The following HERC2 variants were observed in gnomAD, a reference collection of about 807,000 sequenced individuals.
HERC2 encodes the protein HECT and RLD domain containing E3 ubiquitin protein ligase 2.
Under a neutral mutation model 537.7 loss-of-function variants are expected in HERC2, and 102 were observed. The ratio of observed to expected loss-of-function variants is 0.19; its 90% CI spans 0.16 to 0.22. The LOEUF (loss-of-function observed/expected upper bound fraction) is 0.22. Among genes scored for constraint, HERC2 ranks in the 10% least tolerant of loss-of-function variants. The pLI is 1.00. For missense variants in HERC2, 4,236 were observed against 6,198.2 expected (o/e 0.68, Z 10.63); for synonymous variants, 2,224 against 2,466.2 (o/e 0.90, Z 2.91).
At chr15:28,169,232 G>A (rs1474946934) in intron 66 of HERC2, among the ~76,000 whole-genome samples, 1 of 152,136 alleles carries the variant, frequency 6.6e-6, no homozygotes, top group East Asian at 1.9e-4. Context: ...AATATTGATG[G>A]TTCGAGTCTA....
At chr15:28,169,356 C>T in intron 66 of HERC2, 128 bp downstream of exon 66, 1 of 628,528 alleles carries the variant, frequency 1.6e-6, no homozygotes, top group Non-Finnish European at 2.7e-6. Context: ...TTGTGACTTA[C>T]AACATACAGC....
At chr15:28,274,754 C>T in intron 6 of HERC2, 151 bp downstream of exon 6, 1 of 689,386 alleles carries the variant, frequency 1.5e-6, no homozygotes, top group Middle Eastern at 2.7e-4. Flanking sequence ...GCCAAACAGC[C>T]TCTGCAGCCT....
chr15:28,270,642 A>G, intron 10 of HERC2, 53 bp downstream of exon 10: 1 of 1,552,772 alleles, frequency 6.4e-7, no homozygotes, highest in Admixed American at 1.7e-5. Context: ...ATGAGAACCT[A>G]CAAGTGGTAC....
chr15:28,137,449 C>T (rs1890766150), intron 78 of HERC2, among the ~76,000 whole-genome samples: 2 of 152,278 alleles, frequency 1.3e-5, no homozygotes, highest in African/African-American at 4.8e-5. Context: ...CGCCATTTTC[C>T]CAAAAGCATG....
rs116096912 is a variant in HERC2 at position 28,113,594 on chromosome 15, G to A, written c.13998C>T (p.Thr4666=). Residue 4666 remains threonine, a synonymous_variant, in exon 91 of 93, where the codon ACC becomes ACT. Coordinates refer to ENST00000261609, the MANE Select transcript of HERC2 (RefSeq NM_004667.6). This position sits in a 1 kb window ranked among gnomAD's most constrained non-coding sequence, Gnocchi z 7.0. ...VVPVPLLSLF[T]GYELETMVCG... ...ATACCATCGTCTCCAGTTCGTAGCC[G>A]GTGAACAGAGAGAGGAGGGGAACAG... is the stretch of plus-strand genomic sequence containing the variant. The A allele has an allele frequency of 5.7e-4, 923 of 1,614,124 alleles. 2 individuals are homozygous for A. The African/African-American group carries it at 0.011, about 19-fold the overall frequency.
chr15:28,214,241 C>A lies in HERC2; in HGVS notation c.6390G>T (p.Pro2130=). The A allele has an allele frequency of 1.2e-6, 2 of 1,611,794 alleles. No homozygotes were observed. The highest frequency in any genetic ancestry group is 2.2e-5 in the South Asian group (2 of 90,972). The change falls in exon 41 of 93, where the codon CCG becomes CCT. Residue 2130 remains proline, a synonymous_variant. Coordinates refer to ENST00000261609, the MANE Select transcript of HERC2 (RefSeq NM_004667.6). ...ESTLRRRRVR[P]QASLTATHSS... ...TGTGGGTGGCAGTCAGCGAGGCCTG[C>A]GGGCGCACCCTGCGCCGCCTCAGCG... is the stretch of plus-strand genomic sequence containing the variant.
chr15:28,152,877 C>T, intron 69 of HERC2, 47 bp from the exon 70 acceptor site: 1 of 1,531,684 alleles, frequency 6.5e-7, no homozygotes, highest in East Asian at 2.5e-5. Flanking sequence ...CAGCCCCACA[C>T]CTGGTCACCT....
intron 69 of HERC2, among the ~76,000 whole-genome samples, chr15:28,153,578 G>A (rs1425872468): frequency 1.3e-5 from 2 of 152,112 alleles, no homozygotes; most frequent in Non-Finnish European, 2.9e-5. Flanking sequence ...TTAAACTCAG[G>A]AGGTGAAGGT....
intron 43 of HERC2, among the ~76,000 whole-genome samples, chr15:28,212,212 T>C (rs1367714950): frequency 6.6e-6 from 1 of 152,040 alleles, no homozygotes; most frequent in Non-Finnish European, 1.5e-5. Context: ...GAGAAGAGGG[T>C]GTGAGCCATG....
rs144412623 is a variant in HERC2, at chr15:28,276,602, G to C, written c.543-1597C>G. Among the ~76,000 whole-genome samples the C allele has an allele frequency of 4.3e-3, 657 of 152,106 alleles. 7 individuals are homozygous for C. The highest frequency in any genetic ancestry group is 0.015 in the African/African-American group (617 of 41,482). ...ATACAAAAATTAGCCGGGTGTGGTGGTGCATGCCTATAGTCCCAGCTATAT... is the reference window on the plus strand; with the variant it reads ...ATACAAAAATTAGCCGGGTGTGGTGCTGCATGCCTATAGTCCCAGCTATAT... On this transcript the variant is annotated intron_variant, in intron 5 of 92. Transcript: ENST00000261609.
At position 28,125,137 on chromosome 15, in the gene HERC2, T is replaced by G; in HGVS notation, c.12859A>C (p.Asn4287His). 2.5e-6 allele frequency: 4 copies of G among 1,614,080 alleles called. No individual in the cohort carries two copies. The highest frequency in any genetic ancestry group is 1.7e-6 in the Non-Finnish European group (2 of 1,179,926). ...ACCAACCGAGGCCTCTGGATGGCAT[T>G]GGTGGTTCCGTCTCCCAGTTGTCCC... ...DEGQLGDGTT[N>H]AIQRPRLVAA... The change falls in exon 84 of 93, where the codon AAT (asparagine) becomes CAT (histidine). Residue 4287 changes from asparagine (N) to histidine (H), a missense_variant. Coordinates refer to ENST00000261609, the MANE Select transcript of HERC2 (RefSeq NM_004667.6).
rs200605180 is a variant in HERC2 at position 28,213,948 on chromosome 15, C to T, written c.6580G>A (p.Asp2194Asn). Residue 2194 changes from aspartate to asparagine, a missense_variant, in exon 42 of 93, where the codon GAC (aspartate) becomes AAC (asparagine). Physicochemically the swap from Asp to Asn is conservative, Grantham distance 23. Around this residue, in one of 27 missense-constraint regions of HERC2, gnomAD observed 365 missense variants for 468.8 expected, o/e 0.78. Coordinates refer to ENST00000261609, the MANE Select transcript of HERC2 (RefSeq NM_004667.6). ...CCCCCCACTTCAGGGTTCTCGGAGT[C>T]GGGGAAGTAGTCCTCTAACTGGGCC... is the stretch of plus-strand genomic sequence containing the variant. ...EGAQLEDYFP[D>N]SENPEVGGLM... The T allele has an allele frequency of 1.6e-5, 26 of 1,613,944 alleles. No homozygotes were observed. In the East Asian group the frequency reaches 1.8e-4, roughly 11 times the overall value.
chr15:28,256,918 C>T (rs539477545), intron 17 of HERC2, 143 bp downstream of exon 17: 21 of 741,878 alleles, frequency 2.8e-5, no homozygotes, highest in Middle Eastern at 2.5e-4. Flanking sequence ...TTAAGACTCG[C>T]GTCCATTATT....
intron 7 of HERC2, among the ~76,000 whole-genome samples, chr15:28,273,339 T>C (rs1049216630): frequency 6.6e-6 from 1 of 152,238 alleles, no homozygotes; most frequent in African/African-American, 2.4e-5. Flanking sequence ...CAATGACGTA[T>C]AAGACTATAC....
intron 4 of HERC2, among the ~76,000 whole-genome samples, chr15:28,289,200 T>C (rs2076243871): frequency 6.6e-6 from 1 of 152,022 alleles, no homozygotes; most frequent in African/African-American, 2.4e-5. Flanking sequence ...AATTATATGA[T>C]ACCTGAAAGA....
At position 28,163,119 on chromosome 15, in the gene HERC2, G is replaced by C; in HGVS notation, c.10721C>G (p.Ser3574Cys). The C allele has an allele frequency of 6.2e-7, 1 of 1,611,276 alleles. No individual in the cohort carries two copies. Among genetic ancestry groups the C allele is most frequent in the South Asian group, 1.1e-5 (1 of 91,032 alleles). ...RGRDVLSAVL[S>C]GMGTAYPQVA... is the part of the protein sequence containing the mutation. The stretch of plus-strand genomic sequence containing the variant: ...CTGTGGGTAGGCGGTCCCCATGCCG[G>C]AAAGCACCGCGGAGAGCACATCCCT... Residue 3574 changes from serine to cysteine, a missense_variant, in exon 69 of 93, where the codon TCC becomes TGC. Coordinates refer to ENST00000261609, the MANE Select transcript of HERC2 (RefSeq NM_004667.6).
In HERC2 at chr15:28,270,786, A is replaced by G; in HGVS notation, c.1166T>C (p.Leu389Pro). 6.2e-7 allele frequency: 1 copy of G among 1,613,972 alleles called. No homozygotes were observed. The highest frequency in any genetic ancestry group is 1.1e-5 in the South Asian group (1 of 91,078). Reference protein sequence around the residue: ...LPQDNELAIDLRQTAVVVMAH... With the variant: ...LPQDNELAIDPRQTAVVVMAH... ...CATGACAACAACCGCCGTTTGTCGC[A>G]GATCAATGGCAAGCTCGTTGTCTTG... Residue 389 changes from leucine to proline, a missense_variant, in exon 10 of 93, where the codon CTG (leucine) becomes CCG (proline). Physicochemically the swap from Leu to Pro is moderately conservative, Grantham distance 98. This residue lies in a region of HERC2 where 491 missense variants were observed against 559.3 expected (regional missense o/e 0.88). Coordinates refer to ENST00000261609, the MANE Select transcript of HERC2 (RefSeq NM_004667.6).
At chr15:28,317,542 T>C (rs1182976431) in intron 2 of HERC2, among the ~76,000 whole-genome samples, 1 of 152,236 alleles carries the variant, frequency 6.6e-6, no homozygotes, top group Non-Finnish European at 1.5e-5. Flanking sequence ...GAGGGCATTA[T>C]GCTGAGTAAA....
At position 28,186,767 on chromosome 15, in the gene HERC2, C is replaced by A; in HGVS notation, c.8650-15G>T. The A allele has an allele frequency of 6.3e-7, 1 of 1,599,840 alleles. No individual in the cohort carries two copies. Among genetic ancestry groups the A allele is most frequent in the Non-Finnish European group, 8.6e-7 (1 of 1,167,468 alleles). On this transcript the variant is annotated splice_polypyrimidine_tract_variant and intron_variant, in intron 55 of 92. Coordinates refer to ENST00000261609, the MANE Select transcript of HERC2 (RefSeq NM_004667.6). ...TACCTGTGATACTAGACACAAAAAC[C>A]ATGATCTATAGACTCTGTAGAATCA... is the stretch of plus-strand genomic sequence containing the variant.
Sources: gnomAD v4.1 joint callset for allele counts (sites outside exome capture counted in the v4.1 genomes callset) on GRCh38, gnomAD v4.1.1 for gene constraint, gnomAD v4.1.1 regional missense constraint, Gnocchi (gnomAD v3.1) non-coding constraint, MANE v1.5 for transcripts, NCBI Gene and HGNC (gene_info 2026-07-23, HGNC 2026-07-21) for gene names.